BSN: variants seen among roughly 807,000 people sequenced by gnomAD.
The protein encoded by BSN is bassoon presynaptic cytomatrix protein, also known as protein bassoon.
In BSN, 57 loss-of-function variants were observed where a neutral mutation model predicts 264.8. The observed-to-expected ratio is 0.22, with a 90% CI of 0.17 to 0.27. The LOEUF is 0.27. BSN is among the 10% of genes least tolerant of loss of function. BSN has a pLI of 1.00. For missense variants in BSN, 4,615 were observed against 5,232.5 expected, an observed-to-expected ratio of 0.88 and a Z score of 3.64; for synonymous variants, 2,059 against 2,137.3, an observed-to-expected ratio of 0.96 and a Z score of 1.01.
At chr3:49,578,335 C>A (rs1476992987) in intron 1 of BSN, among the ~76,000 whole-genome samples, 1 of 152,006 alleles carries the variant, frequency 6.6e-6, no homozygotes, top group Non-Finnish European at 1.5e-5. Context: ...AATTCACTTA[C>A]CATAGAATTC....
intron 2 of BSN, among the ~76,000 whole-genome samples, chr3:49,633,015 A>G (rs1010828509): frequency 6.6e-6 from 1 of 152,072 alleles, no homozygotes; most frequent in Non-Finnish European, 1.5e-5. Context: ...CCTAAAAGAT[A>G]CTCAACATAG....
chr3:49,556,351 A>C (rs939871849), intron 1 of BSN, among the ~76,000 whole-genome samples: 3 of 152,226 alleles, frequency 2.0e-5, no homozygotes, highest in Non-Finnish European at 4.4e-5. Flanking sequence ...TGGGCAGCTC[A>C]GAGGGACCGG....
At chr3:49,624,275 C>T (rs1012092618) in intron 1 of BSN, among the ~76,000 whole-genome samples, 3 of 135,270 alleles carry the variant, frequency 2.2e-5, no homozygotes, top group Non-Finnish European at 3.1e-5. Context: ...TGCGGGGATT[C>T]CAGGCGTGAG....
intron 5 of BSN, among the ~76,000 whole-genome samples, chr3:49,659,731 C>CA (rs954309374): frequency 2.0e-5 from 3 of 152,108 alleles, no homozygotes; most frequent in African/African-American, 7.2e-5. Flanking sequence ...GAACCTTGAC[C>CA]AGGAAGCCAT....
At chr3:49,601,422 G>A (rs141442730) in intron 1 of BSN, among the ~76,000 whole-genome samples, 49 of 152,292 alleles carry the variant, frequency 3.2e-4, no homozygotes, top group African/African-American at 9.9e-4. Flanking sequence ...CCTTTCCAAG[G>A]TTTCATGGGG....
rs2052349244 is a variant in BSN at position 49,627,378 on chromosome 3, G to A, written c.633+1995G>A. The stretch of plus-strand genomic sequence containing the variant: ...GCTGGGGTTTTCAGGTAGAACCTTC[G>A]CTTCTCTAGAGTTGGCTTTCAGTGG... On this transcript the variant is annotated intron_variant, in intron 2 of 11. Transcript: ENST00000296452. 2.0e-5 allele frequency among the ~76,000 whole-genome samples: 3 copies of A among 151,792 alleles called. No homozygotes were observed. In the South Asian group the frequency reaches 6.2e-4, roughly 31 times the overall value.
intron 1 of BSN, among the ~76,000 whole-genome samples, chr3:49,573,001 T>C (rs1003335392): frequency 6.6e-6 from 1 of 152,200 alleles, no homozygotes; most frequent in African/African-American, 2.4e-5. Context: ...CCCAGGCTCA[T>C]GGAGACTTCT....
intron 1 of BSN, among the ~76,000 whole-genome samples, chr3:49,606,064 T>TATA (rs1393814854): frequency 4.5e-5 from 4 of 89,432 alleles, no homozygotes; most frequent in Non-Finnish European, 5.7e-5. Context: ...ATTATAAATA[T>TATA]ATTATATAAA....
intron 2 of BSN, among the ~76,000 whole-genome samples, chr3:49,641,131 G>A (rs1275955211): frequency 1.3e-5 from 2 of 152,194 alleles, no homozygotes; most frequent in African/African-American, 4.8e-5. Context: ...GAGATGCTCT[G>A]ATTTACATGT....
At chr3:49,582,333 G>A (rs1007621295) in intron 1 of BSN, among the ~76,000 whole-genome samples, 11 of 152,056 alleles carry the variant, frequency 7.2e-5, no homozygotes, top group African/African-American at 2.7e-4. Context: ...GGGTCTTGCT[G>A]TGTTGCCCAG....
chr3:49,588,492 G>C (rs892829534), intron 1 of BSN, among the ~76,000 whole-genome samples: 1 of 152,032 alleles, frequency 6.6e-6, no homozygotes, highest in Non-Finnish European at 1.5e-5. Flanking sequence ...AATCATGAAG[G>C]GATGTTGAAT....
intron 1 of BSN, among the ~76,000 whole-genome samples, chr3:49,597,675 C>T (rs1292506982): frequency 6.6e-6 from 1 of 152,116 alleles, no homozygotes; most frequent in Non-Finnish European, 1.5e-5. Flanking sequence ...CGGAGTCTCA[C>T]TGTGTCGTCC....
chr3:49,635,698 G>A lies in BSN; in HGVS notation c.634-6570G>A, dbSNP rs2052415567. ...TGTCAAAGTACATTGCAGTGGGCCA[G>A]GCATGGTGGCTCACACCTGTAATAC... On this transcript the variant is annotated intron_variant, in intron 2 of 11. Coordinates refer to ENST00000296452, the MANE Select transcript of BSN (RefSeq NM_003458.4). 2.6e-5 allele frequency among the ~76,000 whole-genome samples: 4 copies of A among 152,120 alleles called. No individual in the cohort carries two copies. In the South Asian group the frequency reaches 8.3e-4, roughly 31 times the overall value.
At position 49,663,064 on chromosome 3, in the gene BSN, C is replaced by T. The variant is rs2052677002; in HGVS notation, c.10906C>T (p.Pro3636Ser). 5 of 1,612,858 alleles carry T rather than the reference C, an allele frequency of 3.1e-6. No individual in the cohort carries two copies. The highest frequency in any genetic ancestry group is 1.7e-5 in the Admixed American group (1 of 59,984). The stretch of plus-strand genomic sequence containing the variant: ...CCTGTGGCCTCATGATGAGGGTGGC[C>T]CAGGCCGCCATGCCTCAGCCAAGGA... ...EGLWPHDEGG[P>S]GRHASAKEHR... is the part of the protein sequence containing the mutation. Residue 3636 changes from proline to serine, a missense_variant, in exon 7 of 12, where the codon CCA (proline) becomes TCA (serine). By Grantham distance (74) the Pro-to-Ser change is moderately conservative. Transcript: ENST00000296452.
chr3:49,663,501 G>A lies in BSN; in HGVS notation c.11343G>A (p.Gln3781=), dbSNP rs1362398172. 1 of 1,613,098 alleles carries A rather than the reference G, an allele frequency of 6.2e-7. No individual in the cohort carries two copies. The highest frequency in any genetic ancestry group is 1.1e-5 in the South Asian group (1 of 91,084). Reference sequence around the variant, plus strand: ...CACGCCAGCCACAGACACAGCAGCAGCAGCAAGGTCTTGGGCTGCAGCCCC... The same window carrying A: ...CACGCCAGCCACAGACACAGCAGCAACAGCAAGGTCTTGGGCTGCAGCCCC... ...AASRQPQTQQ[Q]QQGLGLQPPQ... Residue 3781 remains glutamine (Q), a synonymous_variant, in exon 7 of 12, where the codon CAG becomes CAA. Transcript: ENST00000296452.
chr3:49,656,412 G>T lies in BSN; in HGVS notation c.6856G>T (p.Ala2286Ser). The T allele has an allele frequency of 6.3e-7, 1 of 1,590,276 alleles. No individual in the cohort carries two copies. Among genetic ancestry groups the T allele is most frequent in the Non-Finnish European group, 8.6e-7 (1 of 1,167,626 alleles). ...AEGPVYLGKP[A>S]AAKAPGAGGP... is the part of the protein sequence containing the mutation. The stretch of plus-strand genomic sequence containing the variant: ...AGGGCCTGTCTATCTGGGGAAACCT[G>T]CTGCTGCCAAGGCCCCTGGGGCTGG... Residue 2286 changes from alanine to serine, a missense_variant, in exon 5 of 12, where the codon GCT (alanine) becomes TCT (serine). By Grantham distance (99) the Ala-to-Ser change is moderately conservative (BLOSUM62 1). Coordinates refer to ENST00000296452, the MANE Select transcript of BSN (RefSeq NM_003458.4).
In BSN at chr3:49,660,475, C is replaced by T. The variant is rs1242462293; in HGVS notation, c.8641-11C>T. On this transcript the variant is annotated splice_polypyrimidine_tract_variant and intron_variant, in intron 5 of 11. Transcript: ENST00000296452. This position sits in a 1 kb window ranked among gnomAD's most constrained non-coding sequence, Gnocchi z 7.1. Reference sequence around the variant, plus strand: ...GGGTCTCAGTGCTGCCCACCCTTCCCTCTGTCTCAGGTGTCGGCGTTGCCA... The same window carrying T: ...GGGTCTCAGTGCTGCCCACCCTTCCTTCTGTCTCAGGTGTCGGCGTTGCCA... The T allele has an allele frequency of 6.6e-7, 1 of 1,526,040 alleles. No homozygotes were observed. Among genetic ancestry groups the T allele is most frequent in the Non-Finnish European group, 8.8e-7 (1 of 1,137,300 alleles). 94.5% of individuals were successfully genotyped at this position (1,526,040 alleles called of 1,614,324 possible).
Position 49,638,442 on chromosome 3 carries a change from G to T in BSN, c.634-3826G>T, listed in dbSNP as rs9830730. Among the ~76,000 whole-genome samples the T allele has an allele frequency of 6.6e-6, 1 of 152,020 alleles. No homozygotes were observed. The highest frequency in any genetic ancestry group is 1.5e-5 in the Non-Finnish European group (1 of 67,998). ...GAGGTTGGGCTCCTCCCAGGAAACT[G>T]CTGGGGATCTGTCGGGGAGGCAGAG... On this transcript the variant is annotated intron_variant, in intron 2 of 11. Transcript: ENST00000296452. This position sits in a 1 kb window ranked among gnomAD's most constrained non-coding sequence, Gnocchi z 4.3.
intron 1 of BSN, among the ~76,000 whole-genome samples, chr3:49,575,320 C>T (rs2051834876): frequency 6.6e-6 from 1 of 151,442 alleles, no homozygotes; most frequent in Non-Finnish European, 1.5e-5. Flanking sequence ...CAGCACTGCA[C>T]TCTAACCTGG....
Sources: gnomAD v4.1 joint callset for allele counts (sites outside exome capture counted in the v4.1 genomes callset) on GRCh38, gnomAD v4.1.1 for gene constraint, Gnocchi (gnomAD v3.1) non-coding constraint, MANE v1.5 for transcripts, NCBI Gene and HGNC (gene_info 2026-07-23, HGNC 2026-07-21) for gene names.